Variants in MAD1L1 observed in about 807,000 individuals in gnomAD.
MAD1L1 encodes mitotic arrest deficient 1 like 1, also known as mitotic spindle assembly checkpoint protein MAD1.
In MAD1L1, 95 loss-of-function variants were observed where a neutral mutation model predicts 96.9. That is an observed-to-expected ratio of 0.98 (90% CI 0.83 to 1.16). MAD1L1 has a LOEUF of 1.16. Ranked by LOEUF, MAD1L1 falls within the 50% of genes most tolerant of loss-of-function variation. The pLI is 0.00. For synonymous variants in MAD1L1, 473 were observed against 396.6 expected (o/e 1.19, Z -2.29); for missense variants, 1,007 against 954.4 (o/e 1.06, Z -0.73).
At chr7:1,897,998 GCAAAGCCAC>G in intron 18 of MAD1L1, 193 bp downstream of exon 18, 1 of 614,714 alleles carries the variant, frequency 1.6e-6, no homozygotes, top group Non-Finnish European at 2.9e-6. Flanking sequence ...GTCCAGGGCT[GCAAAGCCAC>G]ATAGGGTTGG....
intron 18 of MAD1L1, among the ~76,000 whole-genome samples, chr7:1,835,998 G>A (rs913784074): frequency 2.0e-5 from 3 of 152,138 alleles, no homozygotes; most frequent in Non-Finnish European, 2.9e-5. Flanking sequence ...AGTATAATGA[G>A]CAGTGAGGAT....
At chr7:1,873,714 G>A (rs1293926554) in intron 18 of MAD1L1, among the ~76,000 whole-genome samples, 13 of 152,232 alleles carry the variant, frequency 8.5e-5, no homozygotes, top group African/African-American at 7.2e-5. Context: ...GGTGCAGGAT[G>A]TGCCCTGACA....
chr7:2,041,382 G>A (rs546574870), intron 12 of MAD1L1, among the ~76,000 whole-genome samples: 6 of 111,970 alleles, frequency 5.4e-5, no homozygotes, highest in Non-Finnish European at 8.7e-5. Flanking sequence ...GCTGGGGAAG[G>A]GGAGCAGGAG....
At position 2,069,263 on chromosome 7, in the gene MAD1L1, C is replaced by G; in HGVS notation, c.1149G>C (p.Glu383Asp). Reference sequence around the variant, plus strand: ...CCTCGTGGGTCTCGCGCTTCTTCCTCTCCTCCAACAGCTGGCCGCTGACCT... The same window carrying G: ...CCTCGTGGGTCTCGCGCTTCTTCCTGTCCTCCAACAGCTGGCCGCTGACCT... Reference protein sequence around the residue: ...LRQVSGQLLEERKKRETHEAL... With the variant: ...LRQVSGQLLEDRKKRETHEAL... The change falls in exon 12 of 19, where the codon GAG (glutamate) becomes GAC (aspartate). Residue 383 changes from glutamate (E) to aspartate (D), a missense_variant. Physicochemically the swap from Glu to Asp is conservative, Grantham distance 45 (BLOSUM62 2). Coordinates refer to ENST00000265854, the MANE Select transcript of MAD1L1 (RefSeq NM_001013836.2). 6.2e-7 allele frequency: 1 copy of G among 1,612,128 alleles called. No individual in the cohort carries two copies. Among genetic ancestry groups the G allele is most frequent in the Non-Finnish European group, 8.5e-7 (1 of 1,179,674 alleles).
chr7:2,202,379 C>T (rs941021191), intron 10 of MAD1L1, among the ~76,000 whole-genome samples: 3 of 152,230 alleles, frequency 2.0e-5, no homozygotes, highest in African/African-American at 7.2e-5. Context: ...CTGGCCTGCA[C>T]CTCTGGAGGG....
At chr7:1,980,812 A>G in intron 14 of MAD1L1, 14 of 575,034 alleles carry the variant, frequency 2.4e-5, no homozygotes, top group South Asian at 2.2e-4. Flanking sequence ...GGTGCATGTG[A>G]GAGTCTCTGG....
Position 1,816,270 on chromosome 7 carries a change from G to C in MAD1L1, c.1999-42C>G. On this transcript the variant is annotated intron_variant, in intron 18 of 18. Transcript: ENST00000265854. Reference sequence around the variant, plus strand: ...AAAGAGACAAGACAGCGGTCAGCCCGACAGGCCTCTCCCTCTCCCCTCCCT... The same window carrying C: ...AAAGAGACAAGACAGCGGTCAGCCCCACAGGCCTCTCCCTCTCCCCTCCCT... 3.8e-6 allele frequency: 6 copies of C among 1,583,344 alleles called. No individual in the cohort carries two copies. The South Asian group carries it at 5.8e-5, about 15-fold the overall frequency.
intron 12 of MAD1L1, among the ~76,000 whole-genome samples, chr7:2,019,149 C>G (rs544652778): frequency 1.2e-4 from 18 of 152,028 alleles, no homozygotes; most frequent in Non-Finnish European, 2.5e-4. Context: ...CCACCCGCCT[C>G]CCCAGAGTCC....
rs147839617 is a variant in MAD1L1 at position 2,096,364 on chromosome 7, C to T, written c.1074-27026G>A. On this transcript the variant is annotated intron_variant, in intron 11 of 18. Transcript: ENST00000265854. ...TGCGCCTGCACACATCTGGGGGTGGCGGGGCTCATGCCTGCAATCTGGCTC... is the reference window on the plus strand; with the variant it reads ...TGCGCCTGCACACATCTGGGGGTGGTGGGGCTCATGCCTGCAATCTGGCTC... 2.1e-3 allele frequency among the ~76,000 whole-genome samples: 314 copies of T among 152,276 alleles called. 1 individual carries two copies. The highest frequency in any genetic ancestry group is 3.5e-3 in the Non-Finnish European group (239 of 68,016).
chr7:1,850,254 G>A (rs543344696), intron 18 of MAD1L1, among the ~76,000 whole-genome samples: 6 of 152,220 alleles, frequency 3.9e-5, no homozygotes, highest in Admixed American at 6.5e-5. Context: ...GTCAGGTCCC[G>A]AGGGCCCCTC....
chr7:1,846,506 G>GGAGACTA (rs2128636847), intron 18 of MAD1L1: 1 of 153,260 alleles, frequency 6.5e-6, no homozygotes, highest in South Asian at 2.1e-4. Context: ...CTCCGGAACC[G>GGAGACTA]GAGACTACAG....
intron 14 of MAD1L1, among the ~76,000 whole-genome samples, chr7:1,993,516 T>C (rs1781436522): frequency 6.6e-6 from 1 of 152,224 alleles, no homozygotes; most frequent in African/African-American, 2.4e-5. Context: ...GCTCACACAC[T>C]GTGGCACTGG....
intron 12 of MAD1L1, among the ~76,000 whole-genome samples, chr7:2,044,527 T>C (rs1032040142): frequency 2.0e-5 from 3 of 152,114 alleles, no homozygotes; most frequent in African/African-American, 7.2e-5. Context: ...GCAGCATGTG[T>C]GAGATGATAA....
At chr7:2,121,457 C>T (rs934714803) in intron 11 of MAD1L1, among the ~76,000 whole-genome samples, 1 of 152,212 alleles carries the variant, frequency 6.6e-6, no homozygotes, top group African/African-American at 2.4e-5. Context: ...ACGGGAGGGT[C>T]GTTAACAGAG....
intron 18 of MAD1L1, among the ~76,000 whole-genome samples, chr7:1,882,731 C>T (rs924559621): frequency 1.3e-5 from 2 of 152,210 alleles, no homozygotes; most frequent in Non-Finnish European, 2.9e-5. Context: ...GCCACAGGCC[C>T]GCTGCATGGC....
chr7:1,842,789 G>A (rs1783347237), intron 18 of MAD1L1, among the ~76,000 whole-genome samples: 1 of 152,248 alleles, frequency 6.6e-6, no homozygotes, highest in African/African-American at 2.4e-5. Flanking sequence ...AGGGGAGGGT[G>A]GGCAGGGCCT....
intron 15 of MAD1L1, among the ~76,000 whole-genome samples, chr7:1,973,125 C>T (rs185256252): frequency 2.0e-5 from 3 of 152,306 alleles, no homozygotes; most frequent in Non-Finnish European, 2.9e-5. Flanking sequence ...CCTCTGCTCT[C>T]GGACAGGGTG....
chr7:1,908,007 C>A (rs1476267926), intron 17 of MAD1L1, among the ~76,000 whole-genome samples: 1 of 152,228 alleles, frequency 6.6e-6, no homozygotes, highest in Non-Finnish European at 1.5e-5. Flanking sequence ...CCGGCCAGGG[C>A]CACCCTGCAA....
Position 2,225,684 on chromosome 7 carries a change from G to A in MAD1L1, c.151-134C>T. Reference sequence around the variant, plus strand: ...CCGTGCTAAGTCTTGATGTGGCCCAGCCACTGGGCTCCAGGCTGGGGAACA... The same window carrying A: ...CCGTGCTAAGTCTTGATGTGGCCCAACCACTGGGCTCCAGGCTGGGGAACA... On this transcript the variant is annotated intron_variant, in intron 3 of 18. Coordinates refer to ENST00000265854, the MANE Select transcript of MAD1L1 (RefSeq NM_001013836.2). 3.1e-6 allele frequency: 3 copies of A among 956,626 alleles called. No individual in the cohort carries two copies. The South Asian group carries it at 5.0e-5, about 16-fold the overall frequency. The allele number at this position is 956,626 out of a possible 1,614,324, so 59.3% of individuals were successfully genotyped here.
Sources: allele counts gnomAD v4.1 joint callset (sites outside exome capture counted in the v4.1 genomes callset), GRCh38; gene constraint gnomAD v4.1.1; transcripts MANE v1.5; gene names NCBI Gene and HGNC (gene_info 2026-07-23, HGNC 2026-07-21).